ZMAT4: variants seen among roughly 807,000 people sequenced by gnomAD.
The protein encoded by ZMAT4 is zinc finger matrin-type protein 4.
ZMAT4 carries 17 observed loss-of-function variants against 28.7 expected under a neutral mutation model. The ratio of observed to expected loss-of-function variants is 0.59; its 90% CI spans 0.41 to 0.89. ZMAT4 has a LOEUF of 0.89. Ranked by LOEUF, ZMAT4 falls within the 40% of genes least tolerant of loss-of-function variation. The probability of loss-of-function intolerance (pLI) is 0.00; values close to 1 mark genes in which losing one functional copy is unlikely to be tolerated. For missense variants in ZMAT4, 240 were observed against 283.8 expected (o/e 0.85, Z 1.11); for synonymous variants, 117 against 109.2 (o/e 1.07, Z -0.44).
intron 3 of ZMAT4, among the ~76,000 whole-genome samples, chr8:40,709,588 T>C (rs888535026): frequency 6.6e-6 from 1 of 152,252 alleles, no homozygotes; most frequent in Non-Finnish European, 1.5e-5. Context: ...AAATTTTGTA[T>C]ATCCAGCAAA....
chr8:40,665,980 C>T (rs1426952032), intron 5 of ZMAT4, among the ~76,000 whole-genome samples: 2 of 152,116 alleles, frequency 1.3e-5, no homozygotes, highest in Non-Finnish European at 2.9e-5. Context: ...ATGAGAATTA[C>T]AATAGAATAG....
chr8:40,588,211 T>A (rs1379037138), intron 5 of ZMAT4, among the ~76,000 whole-genome samples: 1 of 151,994 alleles, frequency 6.6e-6, no homozygotes, highest in Non-Finnish European at 1.5e-5. Context: ...AATATCTTCA[T>A]GAAATTAGAA....
intron 1 of ZMAT4, among the ~76,000 whole-genome samples, chr8:40,839,682 T>C (rs756078648): frequency 1.3e-5 from 2 of 152,226 alleles, no homozygotes; most frequent in African/African-American, 2.4e-5. Flanking sequence ...TGGAGGTCGA[T>C]ATCTTAAGTG....
In ZMAT4 at chr8:40,646,099, C is replaced by T. The variant is rs1807299966; in HGVS notation, c.577+28605G>A. Among the ~76,000 whole-genome samples, 4 of 151,696 alleles carry T rather than the reference C, an allele frequency of 2.6e-5. 1 individual carries two copies. The South Asian group carries it at 6.2e-4, about 24-fold the overall frequency. On this transcript the variant is annotated intron_variant, in intron 5 of 6. Transcript: ENST00000297737. Reference sequence around the variant, plus strand: ...ATTAATATATAGAAATCAGTGAGGACTGGTTTTGTTGTGTTTTCAATTTTA... The same window carrying T: ...ATTAATATATAGAAATCAGTGAGGATTGGTTTTGTTGTGTTTTCAATTTTA...
intron 1 of ZMAT4, among the ~76,000 whole-genome samples, chr8:40,870,315 G>A (rs1203743100): frequency 6.6e-6 from 1 of 152,132 alleles, no homozygotes; most frequent in African/African-American, 2.4e-5. Context: ...CCAGGACTCT[G>A]TATCAGCTTC....
chr8:40,582,318 T>C (rs1315892901), intron 5 of ZMAT4, among the ~76,000 whole-genome samples: 1 of 152,098 alleles, frequency 6.6e-6, no homozygotes, highest in African/African-American at 2.4e-5. Context: ...CTGAGCCACA[T>C]GGCAATATCT....
At chr8:40,702,030 G>C (rs1302886507) in intron 3 of ZMAT4, among the ~76,000 whole-genome samples, 2 of 152,160 alleles carry the variant, frequency 1.3e-5, no homozygotes, top group African/African-American at 4.8e-5. Flanking sequence ...GTTATCAAGA[G>C]AGTGGGATTG....
intron 1 of ZMAT4, among the ~76,000 whole-genome samples, chr8:40,862,242 A>G (rs897351761): frequency 6.6e-6 from 1 of 152,076 alleles, no homozygotes; most frequent in Non-Finnish European, 1.5e-5. Context: ...ATGCAGCCAT[A>G]AAAAAGGATG....
intron 5 of ZMAT4, among the ~76,000 whole-genome samples, chr8:40,673,058 T>C (rs190712891): frequency 6.6e-6 from 1 of 152,358 alleles, no homozygotes; most frequent in East Asian, 1.9e-4. Context: ...AAGCTCTATA[T>C]ACTTAGCCAT....
At chr8:40,665,869 T>G (rs1374008596) in intron 5 of ZMAT4, among the ~76,000 whole-genome samples, 1 of 152,180 alleles carries the variant, frequency 6.6e-6, no homozygotes, top group Non-Finnish European at 1.5e-5. Context: ...AGAAGGGATA[T>G]AATTCAATGA....
chr8:40,674,716 C>A lies in ZMAT4; in HGVS notation c.565G>T (p.Gly189Trp). The change falls in exon 5 of 7, where the codon GGG (glycine) becomes TGG (tryptophan). Residue 189 changes from glycine to tryptophan, a missense_variant. Gly to Trp is a radical substitution (Grantham distance 184, BLOSUM62 -2). Transcript: ENST00000297737. ...GAGCTGCCCTTACCTCTCAGTTCCC[C>A]CATATCCAGGGTTGTCCCCAGTTGT... The part of the protein sequence containing the change: ...LEQLGTTLDM[G>W]ELRGLRRNYR... 6.2e-7 allele frequency: 1 copy of A among 1,613,828 alleles called. No homozygotes were observed. Among genetic ancestry groups the A allele is most frequent in the Non-Finnish European group, 8.5e-7 (1 of 1,179,802 alleles).
intron 1 of ZMAT4, among the ~76,000 whole-genome samples, chr8:40,854,246 C>T (rs1054546353): frequency 3.9e-5 from 6 of 152,156 alleles, no homozygotes; most frequent in African/African-American, 1.2e-4. Flanking sequence ...GGTCTACGGA[C>T]CTTATGTTCT....
chr8:40,854,561 A>T (rs1427208927), intron 1 of ZMAT4, among the ~76,000 whole-genome samples: 1 of 152,204 alleles, frequency 6.6e-6, no homozygotes, highest in African/African-American at 2.4e-5. Context: ...GGCAGAAGGG[A>T]TTCCAGGAGT....
intron 3 of ZMAT4, 39 bp downstream of exon 3, chr8:40,767,602 C>G: frequency 7.7e-6 from 12 of 1,568,574 alleles, no homozygotes; most frequent in Non-Finnish European, 9.6e-6. Context: ...GTACACAGAA[C>G]AAATCATCTG....
intron 6 of ZMAT4, among the ~76,000 whole-genome samples, chr8:40,546,318 A>G (rs534358666): frequency 1.4e-3 from 219 of 151,826 alleles, no homozygotes; most frequent in African/African-American, 5.0e-3. Context: ...AAAAAAAAAG[A>G]AAATCATCTT....
chr8:40,783,538 CA>C (rs1347720889), intron 2 of ZMAT4, among the ~76,000 whole-genome samples: 1 of 152,064 alleles, frequency 6.6e-6, no homozygotes, highest in Non-Finnish European at 1.5e-5. Context: ...TAACCATCAC[CA>C]AACTATACAC....
intron 5 of ZMAT4, among the ~76,000 whole-genome samples, chr8:40,603,402 T>C (rs1454935545): frequency 6.6e-6 from 1 of 152,224 alleles, no homozygotes; most frequent in Non-Finnish European, 1.5e-5. Context: ...GCTTTGGCTA[T>C]GCGGACTCTT....
intron 1 of ZMAT4, among the ~76,000 whole-genome samples, chr8:40,896,348 G>A (rs559876332): frequency 2.0e-5 from 3 of 152,228 alleles, no homozygotes; most frequent in Admixed American, 6.5e-5. Flanking sequence ...CCCCAGCTGC[G>A]GGTTTAACGG....
At chr8:40,608,045 G>C (rs534835600) in intron 5 of ZMAT4, among the ~76,000 whole-genome samples, 1 of 152,296 alleles carries the variant, frequency 6.6e-6, no homozygotes, top group South Asian at 2.1e-4. Flanking sequence ...GAGAGCATCA[G>C]TTGTGGTAGT....
Sources: gnomAD v4.1 joint callset for allele counts (sites outside exome capture counted in the v4.1 genomes callset) on GRCh38, gnomAD v4.1.1 for gene constraint, MANE v1.5 for transcripts, NCBI Gene and HGNC (gene_info 2026-07-23, HGNC 2026-07-21) for gene names.